Variants in MYO10 observed in about 807,000 individuals in gnomAD.
MYO10 encodes unconventional myosin-X.
A neutral mutation model predicts 257.3 loss-of-function variants in MYO10; 133 were observed. The observed-to-expected ratio is 0.52, with a 90% confidence interval of 0.45 to 0.60. The LOEUF (loss-of-function observed/expected upper bound fraction) is 0.60. MYO10 is among the 20% of genes least tolerant of loss of function. MYO10 has a pLI of 0.00. For synonymous variants in MYO10, 1,104 were observed against 1,028.6 expected (o/e 1.07, Z -1.40); for missense variants, 2,399 against 2,635.7 (o/e 0.91, Z 1.97).
At chr5:16,704,766 T>C (rs1258793208) in intron 21 of MYO10, 81 bp from the exon 22 acceptor site, 32 of 1,093,158 alleles carry the variant, frequency 2.9e-5, no homozygotes, top group Non-Finnish European at 4.4e-5. Context: ...AGATATCTTC[T>C]GGAGTTAAGG....
chr5:16,710,813 A>G (rs2126575341), intron 21 of MYO10, 95 bp downstream of exon 21: 2 of 1,018,162 alleles, frequency 2.0e-6, no homozygotes, highest in East Asian at 2.6e-5. Context: ...TGAAAGAACA[A>G]TTGTATAGCG....
chr5:16,680,174 C>G, intron 32 of MYO10, 70 bp from the exon 33 acceptor site: 1 of 1,521,316 alleles, frequency 6.6e-7, no homozygotes, highest in Non-Finnish European at 8.9e-7. Flanking sequence ...ATGCCTGTGT[C>G]CTCTCTGACC....
At chr5:16,741,241 A>G (rs1740007647) in intron 19 of MYO10, among the ~76,000 whole-genome samples, 1 of 152,174 alleles carries the variant, frequency 6.6e-6, no homozygotes, top group South Asian at 2.1e-4. Context: ...CCGATTGCAA[A>G]ATTCCAACAT....
chr5:16,665,683 G>C lies in MYO10; in HGVS notation c.*1009C>G. On this transcript the variant is annotated 3_prime_UTR_variant, in exon 41 of 41. Coordinates refer to ENST00000513610, the MANE Select transcript of MYO10 (RefSeq NM_012334.3). Reference sequence around the variant, plus strand: ...CTGTAATCTATCCAGAATGATAGAAGCTAACCTTCCAAGTAACACTTTGTT... The same window carrying C: ...CTGTAATCTATCCAGAATGATAGAACCTAACCTTCCAAGTAACACTTTGTT... 1 of 152,542 alleles carries C rather than the reference G, an allele frequency of 6.6e-6. No homozygotes were observed. The highest frequency in any genetic ancestry group is 2.1e-4 in the South Asian group (1 of 4,836). The allele number at this position is 152,542 out of a possible 1,614,324, so 9.4% of individuals were successfully genotyped here. A position where few individuals can be genotyped will look rare whatever the true frequency, so the allele number is the denominator to read the frequency against.
chr5:16,731,822 C>T (rs1279610792), intron 19 of MYO10, among the ~76,000 whole-genome samples: 5 of 152,218 alleles, frequency 3.3e-5, no homozygotes. Flanking sequence ...TCCTGCCTGG[C>T]CTGGGAGTGT....
At chr5:16,905,259 G>C (rs535517457) in intron 1 of MYO10, among the ~76,000 whole-genome samples, 1 of 152,226 alleles carries the variant, frequency 6.6e-6, no homozygotes, top group South Asian at 2.1e-4. Flanking sequence ...ATTCCACAAA[G>C]ACTCAACCTC....
At chr5:16,756,766 C>G (rs1394439699) in intron 18 of MYO10, among the ~76,000 whole-genome samples, 1 of 152,092 alleles carries the variant, frequency 6.6e-6, no homozygotes, top group Non-Finnish European at 1.5e-5. Context: ...CACCCTTTTC[C>G]ATTTCCTTCA....
chr5:16,867,860 T>A (rs926654918), intron 2 of MYO10, among the ~76,000 whole-genome samples: 5 of 152,130 alleles, frequency 3.3e-5, no homozygotes, highest in Non-Finnish European at 5.9e-5. Context: ...TTGTTGCAAA[T>A]AGAGAGAAGG....
intron 1 of MYO10, among the ~76,000 whole-genome samples, chr5:16,923,663 T>TACACACACACACACACACAC (rs60949830): frequency 2.6e-4 from 37 of 140,728 alleles, no homozygotes; most frequent in African/African-American, 9.2e-4. Flanking sequence ...AACACGCCCA[T>TACACACACACACACACACAC]ACACACACAC....
chr5:16,722,157 C>T (rs969983913), intron 19 of MYO10, among the ~76,000 whole-genome samples: 9 of 152,174 alleles, frequency 5.9e-5, no homozygotes, highest in South Asian at 2.1e-4. Context: ...AAAACTGTCC[C>T]GATGCATCCC....
intron 2 of MYO10, among the ~76,000 whole-genome samples, chr5:16,861,834 C>T (rs73754020): frequency 0.024 from 3,698 of 152,232 alleles, 147 homozygotes; most frequent in African/African-American, 0.084. Flanking sequence ...AACCCCAATA[C>T]TATCACTCCC....
chr5:16,677,416 C>CTTTTTTTTTTTTTTTTT lies in MYO10; in HGVS notation c.4543-1279_4543-1263dup, dbSNP rs796474728. Reference sequence around the variant, plus strand: ...ATGGACTTATTTAGGGTAACTTGACCTTTTTTTTTTTTTTTTTGAGACGGA... The same window carrying CTTTTTTTTTTTTTTTTT: ...ATGGACTTATTTAGGGTAACTTGACCTTTTTTTTTTTTTTTTTTTTTTTTTTTTTTTTTTGAGACGGA... On this transcript the variant is annotated intron_variant, in intron 33 of 40. Coordinates refer to ENST00000513610, the MANE Select transcript of MYO10 (RefSeq NM_012334.3). 1.3e-3 allele frequency among the ~76,000 whole-genome samples: 155 copies of CTTTTTTTTTTTTTTTTT among 119,370 alleles called. 4 individuals are homozygous for CTTTTTTTTTTTTTTTTT. Among genetic ancestry groups the CTTTTTTTTTTTTTTTTT allele is most frequent in the East Asian group, 2.3e-3 (10 of 4,268 alleles). The allele number at this position is 119,370 out of a possible 152,430, so 78.3% of individuals were successfully genotyped here.
intron 1 of MYO10, among the ~76,000 whole-genome samples, chr5:16,903,855 G>A (rs1438730089): frequency 6.6e-6 from 1 of 152,192 alleles, no homozygotes; most frequent in Non-Finnish European, 1.5e-5. Flanking sequence ...TGGGAGTGAG[G>A]ACCTGCGTTC....
intron 30 of MYO10, 69 bp from the exon 31 acceptor site, chr5:16,682,082 G>C: frequency 6.5e-7 from 1 of 1,537,104 alleles, no homozygotes. Context: ...TGTGTGAACC[G>C]AGACTCAGTG....
chr5:16,709,298 G>A (rs1482520228), intron 21 of MYO10, among the ~76,000 whole-genome samples: 7 of 152,098 alleles, frequency 4.6e-5, no homozygotes, highest in Admixed American at 1.3e-4. Context: ...TATCACCTGC[G>A]GGGGGCACAC....
chr5:16,761,355 T>C, intron 17 of MYO10, 109 bp downstream of exon 17: 1 of 852,358 alleles, frequency 1.2e-6, no homozygotes, highest in East Asian at 2.5e-5. Flanking sequence ...GGAAAAACAA[T>C]ACTAAGTTTC....
intron 1 of MYO10, among the ~76,000 whole-genome samples, chr5:16,904,764 C>A (rs754133082): frequency 2.6e-5 from 4 of 152,092 alleles, no homozygotes; most frequent in Non-Finnish European, 5.9e-5. Context: ...CCCGTCTCTA[C>A]TAAAAATTCA....
intron 22 of MYO10, among the ~76,000 whole-genome samples, chr5:16,703,746 G>A (rs1443127979): frequency 6.6e-6 from 1 of 152,032 alleles, no homozygotes; most frequent in Non-Finnish European, 1.5e-5. Flanking sequence ...GCCAGGTGTG[G>A]TGGCATGCAC....
chr5:16,928,518 A>G (rs180927822), intron 1 of MYO10, among the ~76,000 whole-genome samples: 69 of 152,068 alleles, frequency 4.5e-4, no homozygotes, highest in African/African-American at 1.5e-3. Context: ...CCTTCCTACT[A>G]TCCTCATGAA....
Sources: allele counts gnomAD v4.1 joint callset (sites outside exome capture counted in the v4.1 genomes callset), GRCh38; gene constraint gnomAD v4.1.1; transcripts MANE v1.5; gene names NCBI Gene and HGNC (gene_info 2026-07-23, HGNC 2026-07-21).